MYO7B: variants seen among roughly 807,000 people sequenced by gnomAD.
MYO7B encodes the protein myosin VIIB, also known as unconventional myosin-VIIb.
Under a neutral mutation model 259.7 loss-of-function variants are expected in MYO7B, and 212 were observed. That is an observed-to-expected ratio of 0.82 (90% confidence interval 0.73 to 0.91). The LOEUF (loss-of-function observed/expected upper bound fraction) is 0.91. Among genes scored for constraint, MYO7B ranks in the 40% least tolerant of loss-of-function variants. The pLI is 0.00. For missense variants in MYO7B, 2,732 were observed against 2,813.5 expected (o/e 0.97, Z 0.66); for synonymous variants, 1,197 against 1,166.4 (o/e 1.03, Z -0.54).
intron 27 of MYO7B, 47 bp from the exon 28 acceptor site, chr2:127,621,935 C>T (rs920198655): frequency 4.5e-6 from 7 of 1,551,388 alleles, no homozygotes; most frequent in Middle Eastern, 1.7e-4. Flanking sequence ...TAGAAACTGG[C>T]CTCCTTTCTG....
Position 127,635,713 on chromosome 2 carries a change from A to G in MYO7B, c.5821-9A>G, listed in dbSNP as rs970829063. 6.9e-6 allele frequency: 11 copies of G among 1,595,754 alleles called. No individual in the cohort carries two copies. Among genetic ancestry groups the G allele is most frequent in the African/African-American group, 2.7e-5 (2 of 74,464 alleles). On this transcript the variant is annotated splice_polypyrimidine_tract_variant and intron_variant, in intron 43 of 47. Transcript: ENST00000409816. ...GAGACCCAGCATGCCCAGTGTGTCC[A>G]TCACCCAGGAGCTGCCCAAGTACCT...
chr2:127,578,379 A>ATCCT, intron 9 of MYO7B, 93 bp downstream of exon 9: 3 of 1,485,252 alleles, frequency 2.0e-6, no homozygotes, highest in Non-Finnish European at 2.8e-6. Context: ...CACAGGAAGG[A>ATCCT]TCCTGTGGTC....
intron 10 of MYO7B, 36 bp downstream of exon 10, chr2:127,580,858 G>T: frequency 6.3e-7 from 1 of 1,591,132 alleles, no homozygotes; most frequent in Non-Finnish European, 8.6e-7. Flanking sequence ...CATTTTGGTG[G>T]GGGGCCTCAG....
At chr2:127,566,517 C>A in intron 4 of MYO7B, 126 bp from the exon 5 acceptor site, 2 of 864,322 alleles carry the variant, frequency 2.3e-6, no homozygotes, top group Non-Finnish European at 3.4e-6. Context: ...TCAGATTCTA[C>A]TTCCCCACCA....
intron 42 of MYO7B, 64 bp from the exon 43 acceptor site, chr2:127,635,056 C>A: frequency 1.5e-6 from 2 of 1,349,266 alleles, no homozygotes; most frequent in South Asian, 1.2e-5. Context: ...TGGGGGGTGG[C>A]AGGGGGTCAG....
In MYO7B at chr2:127,590,208, T is replaced by A; in HGVS notation, c.1971T>A (p.Pro657=). Residue 657 remains proline (P), a synonymous_variant, in exon 16 of 48, where the codon CCT becomes CCA. Transcript: ENST00000409816. The surrounding 1 kb of genome is among the most constrained non-coding windows in gnomAD (Gnocchi z 4.6). ...CTTACTTCATCCGCTGCATCAAACC[T>A]AATGAGTACAAGAAGCCGCTGGTAA... ...CQPYFIRCIK[P]NEYKKPLLFD... The A allele has an allele frequency of 1.2e-6, 2 of 1,612,796 alleles. No individual in the cohort carries two copies. The highest frequency in any genetic ancestry group is 1.7e-6 in the Non-Finnish European group (2 of 1,179,736).
Position 127,620,371 on chromosome 2 carries a change from C to T in MYO7B, c.3430C>T (p.Leu1144Phe). Residue 1144 changes from leucine to phenylalanine, a missense_variant, in exon 27 of 48, where the codon CTC (leucine) becomes TTC (phenylalanine). By Grantham distance (22) the Leu-to-Phe change is conservative. Around this residue, in one of 3 missense-constraint regions of MYO7B, gnomAD observed 1,906 missense variants for 2,026.4 expected, o/e 0.94. Coordinates refer to ENST00000409816, the MANE Select transcript of MYO7B (RefSeq NM_001393586.1). ...DEIYCQICKQ[L>F]SENFKTSSLA... ...GATTTACTGCCAGATCTGCAAGCAG[C>T]TCTCGGAGAACTTCAAAACAAGCAG... 1 of 1,612,854 alleles carries T rather than the reference C, an allele frequency of 6.2e-7. No individual in the cohort carries two copies. Among genetic ancestry groups the T allele is most frequent in the Non-Finnish European group, 8.5e-7 (1 of 1,178,986 alleles).
chr2:127,636,364 G>A lies in MYO7B; in HGVS notation c.6123+40G>A. 6.4e-7 allele frequency: 1 copy of A among 1,568,934 alleles called. No individual in the cohort carries two copies. The highest frequency in any genetic ancestry group is 8.8e-7 in the Non-Finnish European group (1 of 1,140,950). ...ACGCCAGGGCCTCCTACCCAAGCAGGCTCCGCTCAGCCCAGCCCCAGCAGG... is the reference window on the plus strand; with the variant it reads ...ACGCCAGGGCCTCCTACCCAAGCAGACTCCGCTCAGCCCAGCCCCAGCAGG... On this transcript the variant is annotated intron_variant, in intron 45 of 47. Transcript: ENST00000409816. The surrounding 1 kb of genome is among the most constrained non-coding windows in gnomAD (Gnocchi z 4.5).
intron 15 of MYO7B, 149 bp from the exon 16 acceptor site, chr2:127,589,943 C>T (rs1294529731): frequency 1.2e-6 from 1 of 815,938 alleles, no homozygotes; most frequent in Non-Finnish European, 1.9e-6. Context: ...TGGATGGATA[C>T]ATGGATGGGT....
At chr2:127,537,262 C>T (rs1692819914) in intron 1 of MYO7B, among the ~76,000 whole-genome samples, 1 of 152,124 alleles carries the variant, frequency 6.6e-6, no homozygotes, top group African/African-American at 2.4e-5. Flanking sequence ...CTGAAACTGG[C>T]CTGTCTGGGG....
intron 6 of MYO7B, among the ~76,000 whole-genome samples, chr2:127,571,749 G>A (rs927885436): frequency 2.6e-5 from 4 of 152,170 alleles, no homozygotes; most frequent in African/African-American, 7.2e-5. Flanking sequence ...CAAAGTGCTG[G>A]GATTACAGGC....
intron 1 of MYO7B, among the ~76,000 whole-genome samples, chr2:127,541,670 C>T (rs567051387): frequency 2.0e-5 from 3 of 152,320 alleles, no homozygotes; most frequent in Admixed American, 2.0e-4. Context: ...GAGGGATAAA[C>T]TTGGTCAAAT....
At chr2:127,606,186 A>T (rs1158980276) in intron 20 of MYO7B, among the ~76,000 whole-genome samples, 1 of 152,236 alleles carries the variant, frequency 6.6e-6, no homozygotes, top group African/African-American at 2.4e-5. Context: ...GAGCTAGACT[A>T]GGTGTCCTGC....
chr2:127,634,144 C>T (rs1270526589), intron 40 of MYO7B, 32 bp from the exon 41 acceptor site: 2 of 1,541,492 alleles, frequency 1.3e-6, no homozygotes, highest in African/African-American at 1.4e-5. Flanking sequence ...CCTAGCCAGG[C>T]CCCGGGCCTC....
intron 10 of MYO7B, among the ~76,000 whole-genome samples, chr2:127,581,138 C>T (rs77354621): frequency 0.028 from 4,206 of 152,260 alleles, 217 homozygotes; most frequent in African/African-American, 0.096. Context: ...CTAGGCTCCC[C>T]ACTTGGACCC....
chr2:127,561,155 A>G (rs115496389), intron 2 of MYO7B, among the ~76,000 whole-genome samples: 173 of 152,298 alleles, frequency 1.1e-3, no homozygotes, highest in Non-Finnish European at 2.0e-3. Flanking sequence ...CCCTCTGGGA[A>G]TGCGACTAAC....
intron 27 of MYO7B, among the ~76,000 whole-genome samples, chr2:127,621,385 C>CGAGTA (rs1680834517): frequency 6.6e-6 from 1 of 151,482 alleles, no homozygotes; most frequent in African/African-American, 2.4e-5. Flanking sequence ...CTCAGCCTCT[C>CGAGTA]GAGTAGCTGG....
rs112085900 is a variant in MYO7B, at chr2:127,626,280, G to A, written c.4216-695G>A. The stretch of plus-strand genomic sequence containing the variant: ...CAGAGAAGAAAGAAGAGAGGCACCC[G>A]GGACACAGACTCGGAGCAAGATGCC... On this transcript the variant is annotated intron_variant, in intron 31 of 47. Coordinates refer to ENST00000409816, the MANE Select transcript of MYO7B (RefSeq NM_001393586.1). 3.3e-3 allele frequency: 506 copies of A among 152,382 alleles called. 5 individuals carry two copies. Among genetic ancestry groups the A allele is most frequent in the African/African-American group, 0.011 (463 of 41,496 alleles). 9.4% of individuals were successfully genotyped at this position (152,382 alleles called of 1,614,324 possible).
rs1031040617 is a variant in MYO7B at position 127,593,009 on chromosome 2, C to A, written c.2145+63C>A. On this transcript the variant is annotated intron_variant, in intron 17 of 47. Coordinates refer to ENST00000409816, the MANE Select transcript of MYO7B (RefSeq NM_001393586.1). ...GCGGCCTTCCCCTCGGCCTTGGCACCTCCAGCCCCCAGTACCGAGGGGGTC... is the reference window on the plus strand; with the variant it reads ...GCGGCCTTCCCCTCGGCCTTGGCACATCCAGCCCCCAGTACCGAGGGGGTC... The A allele has an allele frequency of 2.1e-5, 32 of 1,538,622 alleles. No individual in the cohort carries two copies. In the Admixed American group the frequency reaches 2.4e-4, roughly 11 times the overall value.
Sources: gnomAD v4.1 joint callset for allele counts (sites outside exome capture counted in the v4.1 genomes callset) on GRCh38, gnomAD v4.1.1 for gene constraint, gnomAD v4.1.1 regional missense constraint, Gnocchi (gnomAD v3.1) non-coding constraint, MANE v1.5 for transcripts, NCBI Gene and HGNC (gene_info 2026-07-23, HGNC 2026-07-21) for gene names.